RAPH1: variants seen among roughly 807,000 people sequenced by gnomAD.
The protein encoded by RAPH1 is Ras association (RalGDS/AF-6) and pleckstrin homology domains 1.
In RAPH1, 18 loss-of-function variants were observed where a neutral mutation model predicts 88.1. The ratio of observed to expected loss-of-function variants is 0.20; its 90% CI spans 0.14 to 0.30. The LOEUF is 0.30. Ranked by LOEUF, RAPH1 falls within the 10% of genes least tolerant of loss-of-function variation. The pLI, the probability that RAPH1 is intolerant of heterozygous loss-of-function variation, is 1.00. For synonymous variants in RAPH1, 587 were observed against 559.0 expected (o/e 1.05, Z -0.71); for missense variants, 1,448 against 1,543.2 (o/e 0.94, Z 1.03).
At chr2:203,494,797 A>C (rs1021723975) in intron 2 of RAPH1, among the ~76,000 whole-genome samples, 21 of 150,314 alleles carry the variant, frequency 1.4e-4, no homozygotes, top group African/African-American at 4.6e-4. Flanking sequence ...TGACAAGAGC[A>C]AGACTCCGTC....
chr2:203,499,160 T>C (rs887070876), intron 1 of RAPH1, among the ~76,000 whole-genome samples: 1 of 152,236 alleles, frequency 6.6e-6, no homozygotes, highest in Non-Finnish European at 1.5e-5. Flanking sequence ...AAAGCTAGCG[T>C]GTTTTAAACT....
At chr2:203,520,371 T>C (rs1004191172) in intron 1 of RAPH1, among the ~76,000 whole-genome samples, 17 of 151,450 alleles carry the variant, frequency 1.1e-4, no homozygotes, top group Non-Finnish European at 1.6e-4. Flanking sequence ...CTCATGTCTG[T>C]AATCCCAGCC....
chr2:203,527,988 G>C (rs1690202348), intron 1 of RAPH1, among the ~76,000 whole-genome samples: 1 of 152,072 alleles, frequency 6.6e-6, no homozygotes, highest in South Asian at 2.1e-4. Flanking sequence ...TATTGATGTT[G>C]TTAAGGAGTG....
Position 203,441,187 on chromosome 2 carries a change from C to A in RAPH1, c.2003G>T (p.Ser668Ile). The A allele has an allele frequency of 6.2e-7, 1 of 1,608,056 alleles. No individual in the cohort carries two copies. Among genetic ancestry groups the A allele is most frequent in the Non-Finnish European group, 8.5e-7 (1 of 1,178,216 alleles). Residue 668 changes from serine (S) to isoleucine (I), a missense_variant, in exon 14 of 14, where the codon AGC becomes ATC. By Grantham distance (142) the Ser-to-Ile change is moderately radical. This residue lies in a region of RAPH1 where 935 missense variants were observed against 890.1 expected (regional missense o/e 1.05). Transcript: ENST00000319170. ...GSAAPMFVKY[S>I]TITRLQNASQ... Reference sequence around the variant, plus strand: ...CGCATTCTGTAGCCGTGTTATTGTGCTGTACTTGACGAACATTGGGGCTGC... The same window carrying A: ...CGCATTCTGTAGCCGTGTTATTGTGATGTACTTGACGAACATTGGGGCTGC...
intron 1 of RAPH1, among the ~76,000 whole-genome samples, chr2:203,508,590 A>C (rs1689194378): frequency 6.6e-6 from 1 of 152,160 alleles, no homozygotes; most frequent in African/African-American, 2.4e-5. Context: ...TCACATCACC[A>C]CAATGATCCA....
chr2:203,490,630 G>T (rs1364645476), intron 3 of RAPH1, among the ~76,000 whole-genome samples: 4 of 152,174 alleles, frequency 2.6e-5, no homozygotes, highest in Non-Finnish European at 5.9e-5. Context: ...TTGCTGTGGG[G>T]TTCCACCTGG....
Position 203,441,077 on chromosome 2 carries a change from G to C in RAPH1, c.2113C>G (p.Pro705Ala), listed in dbSNP as rs1404661923. 2.5e-6 allele frequency: 4 copies of C among 1,587,192 alleles called. No homozygotes were observed. In the South Asian group the frequency reaches 3.4e-5, roughly 13 times the overall value. ...QSVKPQILVP[P>A]NGVVPPPPPP... Reference sequence around the variant, plus strand: ...GGGGGTGGTGGAACAACTCCATTGGGGGGTACCAGGATCTGAGGCTTCACT... The same window carrying C: ...GGGGGTGGTGGAACAACTCCATTGGCGGGTACCAGGATCTGAGGCTTCACT... The change falls in exon 14 of 14, where the codon CCC becomes GCC. Residue 705 changes from proline (P) to alanine (A), a missense_variant. Physicochemically the swap from Pro to Ala is conservative, Grantham distance 27. This residue lies in a region of RAPH1 where 935 missense variants were observed against 890.1 expected (regional missense o/e 1.05). Transcript: ENST00000319170.
chr2:203,494,127 G>C (rs1004089419), intron 2 of RAPH1, among the ~76,000 whole-genome samples: 2 of 151,938 alleles, frequency 1.3e-5, no homozygotes, highest in Non-Finnish European at 2.9e-5. Context: ...CTAGATTGCT[G>C]CAGAAATAAG....
chr2:203,506,864 A>ATATATATATATATATC (rs1689092399), intron 1 of RAPH1, among the ~76,000 whole-genome samples: 1 of 30,558 alleles, frequency 3.3e-5, no homozygotes, highest in East Asian at 5.6e-4. Context: ...ATCTATATAT[A>ATATATATATATATATC]TATATATATA....
At chr2:203,495,477 C>T (rs543712042) in intron 1 of RAPH1, 124 bp from the exon 2 acceptor site, 23 of 933,220 alleles carry the variant, frequency 2.5e-5, no homozygotes, top group South Asian at 1.1e-4. Context: ...CTAGAAATTA[C>T]ATTCTAAAAG....
intron 1 of RAPH1, among the ~76,000 whole-genome samples, chr2:203,524,719 AG>A (rs1414341353): frequency 1.3e-5 from 2 of 152,184 alleles, no homozygotes; most frequent in African/African-American, 2.4e-5. Context: ...ACAGGGGTAG[AG>A]GGGGACAAAT....
chr2:203,527,310 C>T (rs1690165580), intron 1 of RAPH1, among the ~76,000 whole-genome samples: 1 of 152,106 alleles, frequency 6.6e-6, no homozygotes, highest in Admixed American at 6.6e-5. Flanking sequence ...CAGAGAATCA[C>T]ACACCATACA....
chr2:203,504,249 T>A (rs1688872583), intron 1 of RAPH1, among the ~76,000 whole-genome samples: 1 of 152,202 alleles, frequency 6.6e-6, no homozygotes, highest in African/African-American at 2.4e-5. Context: ...GCCCCACCCC[T>A]GCAGCAAACT....
At chr2:203,471,189 T>A (rs1226216334) in intron 4 of RAPH1, among the ~76,000 whole-genome samples, 2 of 152,236 alleles carry the variant, frequency 1.3e-5, no homozygotes, top group Non-Finnish European at 2.9e-5. Flanking sequence ...CAGTACATAG[T>A]TACTTATCAC....
At chr2:203,466,871 G>C (rs2098528928) in intron 4 of RAPH1, among the ~76,000 whole-genome samples, 1 of 152,174 alleles carries the variant, frequency 6.6e-6, no homozygotes, top group African/African-American at 2.4e-5. Context: ...TGGCTACAAA[G>C]TGTTAGAACT....
rs373101454 is a variant in RAPH1, at chr2:203,535,258, GTGAC to G, written c.-152_-149del. On this transcript the variant is annotated 5_prime_UTR_variant, in exon 1 of 14. Transcript: ENST00000319170. ...CAGCAGCTCCCGCGCCGCGCGCTCAGTGACTGACTGACTGACTGACTGACTGACT... is the reference window on the plus strand; with the variant it reads ...CAGCAGCTCCCGCGCCGCGCGCTCAGTGACTGACTGACTGACTGACTGACT... 41,782 of 146,502 alleles carry G rather than the reference GTGAC, an allele frequency of 0.29. 6,456 individuals are homozygous for G. The highest frequency in any genetic ancestry group is 0.48 in the South Asian group (2,479 of 5,190). The allele number at this position is 146,502 out of a possible 1,614,324, so 9.1% of individuals were successfully genotyped here.
intron 1 of RAPH1, among the ~76,000 whole-genome samples, chr2:203,510,493 CAG>C (rs1313175580): frequency 6.6e-6 from 1 of 152,084 alleles, no homozygotes; most frequent in Non-Finnish European, 1.5e-5. Context: ...TGCAGGAGAG[CAG>C]AGAGTATTCT....
chr2:203,469,484 A>G (rs558739669), intron 4 of RAPH1, among the ~76,000 whole-genome samples: 4 of 152,350 alleles, frequency 2.6e-5, no homozygotes, highest in Admixed American at 2.6e-4. Flanking sequence ...AACAAACCTC[A>G]GATACAATAA....
intron 4 of RAPH1, among the ~76,000 whole-genome samples, chr2:203,467,416 C>A (rs544133761): frequency 1.8e-3 from 272 of 150,576 alleles, no homozygotes; most frequent in African/African-American, 6.4e-3. Context: ...GATAGCGAAA[C>A]CCCGTCTCTA....
Sources: gnomAD v4.1 joint callset for allele counts (sites outside exome capture counted in the v4.1 genomes callset) on GRCh38, gnomAD v4.1.1 for gene constraint, gnomAD v4.1.1 regional missense constraint, MANE v1.5 for transcripts, NCBI Gene and HGNC (gene_info 2026-07-23, HGNC 2026-07-21) for gene names.